The following ADGB variants were observed in gnomAD, a reference collection of about 807,000 sequenced individuals.
The protein encoded by ADGB is androglobin, also known as calpain-7-like protein.
In ADGB, 172 loss-of-function variants were observed where a neutral mutation model predicts 210.5. The ratio of observed to expected loss-of-function variants is 0.82; its 90% CI spans 0.72 to 0.93. The LOEUF (loss-of-function observed/expected upper bound fraction) is 0.93, where lower values mean the gene tolerates loss of function less well. Ranked by LOEUF, ADGB falls within the 40% of genes least tolerant of loss-of-function variation. The pLI, the probability that ADGB is intolerant of heterozygous loss-of-function variation, is 0.00. For missense variants in ADGB, 2,025 were observed against 1,964.8 expected, an observed-to-expected ratio of 1.03 and a Z score of -0.58; for synonymous variants, 658 against 662.7, an observed-to-expected ratio of 0.99 and a Z score of 0.11.
Position 146,737,260 on chromosome 6 carries a change from G to A in ADGB, c.2888+669G>A, listed in dbSNP as rs368845480. On this transcript the variant is annotated intron_variant, in intron 23 of 35. Transcript: ENST00000397944. ...TTAATAAAACACAGACAAATGGAAA[G>A]TACGTCAATGAACATTTTAATAACC... is the stretch of plus-strand genomic sequence containing the variant. Among the ~76,000 whole-genome samples the A allele has an allele frequency of 4.6e-5, 7 of 152,232 alleles. No individual in the cohort carries two copies. The East Asian group carries it at 1.4e-3, about 29-fold the overall frequency.
chr6:146,807,802 A>C (rs1778234884), intron 35 of ADGB: 1 of 358,422 alleles, frequency 2.8e-6, no homozygotes, highest in Non-Finnish European at 4.9e-6. Context: ...TAGCTTCCAA[A>C]TATTTAAAAT....
At chr6:146,676,585 T>C in intron 9 of ADGB, 144 bp downstream of exon 9, 2 of 747,672 alleles carry the variant, frequency 2.7e-6, no homozygotes, top group Non-Finnish European at 3.8e-6. Context: ...GGTTCTCAGA[T>C]GGGTGGGCGT....
intron 35 of ADGB, chr6:146,803,480 G>A: frequency 6.2e-7 from 1 of 1,603,450 alleles, no homozygotes; most frequent in South Asian, 1.1e-5. Context: ...GGAAAGGGAT[G>A]ATGAACTTTC....
intron 22 of ADGB, 88 bp downstream of exon 22, chr6:146,734,118 C>A (rs1018619687): frequency 2.4e-6 from 3 of 1,241,314 alleles, no homozygotes; most frequent in Non-Finnish European, 3.3e-6. Flanking sequence ...TGGAGTCCCC[C>A]ACTTTATGGC....
chr6:146,755,922 A>T (rs138772301), intron 27 of ADGB, among the ~76,000 whole-genome samples: 4 of 152,188 alleles, frequency 2.6e-5, no homozygotes, highest in African/African-American at 9.6e-5. Flanking sequence ...AAATCTTTAT[A>T]TCCCTTTTCT....
chr6:146,764,116 T>C lies in ADGB; in HGVS notation c.3750+16T>C. 6.6e-7 allele frequency: 1 copy of C among 1,516,428 alleles called. No individual in the cohort carries two copies. The highest frequency in any genetic ancestry group is 8.9e-7 in the Non-Finnish European group (1 of 1,128,294). The allele number at this position is 1,516,428 out of a possible 1,614,324, so 93.9% of individuals were successfully genotyped here. On this transcript the variant is annotated intron_variant, in intron 28 of 35. Transcript: ENST00000397944. ...ACCACTGCAGGTATATTAAAAACAATTGTTCAATTGGACTGTTCCTAAAAC... is the reference window on the plus strand; with the variant it reads ...ACCACTGCAGGTATATTAAAAACAACTGTTCAATTGGACTGTTCCTAAAAC...
intron 20 of ADGB, among the ~76,000 whole-genome samples, 156 bp downstream of exon 20, chr6:146,728,897 G>C (rs1233645759): frequency 6.6e-6 from 1 of 152,176 alleles, no homozygotes; most frequent in Non-Finnish European, 1.5e-5. Flanking sequence ...AAATGAGGGA[G>C]TAAAAAGAAT....
At chr6:146,809,303 T>G (rs1778264786) in intron 35 of ADGB, among the ~76,000 whole-genome samples, 1 of 152,074 alleles carries the variant, frequency 6.6e-6, no homozygotes, top group African/African-American at 2.4e-5. Context: ...GCCTCCTGAG[T>G]TCAAGTGATT....
At chr6:146,782,523 G>C (rs771509072) in intron 30 of ADGB, among the ~76,000 whole-genome samples, 2 of 152,166 alleles carry the variant, frequency 1.3e-5, no homozygotes, top group Non-Finnish European at 2.9e-5. Flanking sequence ...TTATAATGTT[G>C]AATGCTATAT....
At chr6:146,602,162 A>G (rs1414822992) in intron 1 of ADGB, among the ~76,000 whole-genome samples, 2 of 152,174 alleles carry the variant, frequency 1.3e-5, no homozygotes, top group East Asian at 3.9e-4. Context: ...TCACTATTCT[A>G]GGGTTCACTC....
intron 5 of ADGB, among the ~76,000 whole-genome samples, chr6:146,662,187 G>A (rs1248167969): frequency 6.6e-6 from 1 of 152,058 alleles, no homozygotes; most frequent in Non-Finnish European, 1.5e-5. Flanking sequence ...CAATTTGGGA[G>A]AGTTTTCAGC....
intron 33 of ADGB, among the ~76,000 whole-genome samples, chr6:146,790,308 A>ATACCCTTTGACCAACATT (rs1777936098): frequency 1.3e-5 from 2 of 152,166 alleles, no homozygotes; most frequent in East Asian, 3.9e-4. Flanking sequence ...GAAACTAACT[A>ATACCCTTTGACCAACATT]TACCCTTTGA....
intron 35 of ADGB, among the ~76,000 whole-genome samples, 160 bp downstream of exon 35, chr6:146,802,171 A>G (rs1052008370): frequency 3.3e-5 from 5 of 152,206 alleles, no homozygotes; most frequent in Non-Finnish European, 5.9e-5. Flanking sequence ...ATTTGATTCT[A>G]CACATCTCAT....
chr6:146,726,021 C>A, intron 18 of ADGB, 62 bp from the exon 19 acceptor site: 1 of 1,063,316 alleles, frequency 9.4e-7, no homozygotes, highest in Non-Finnish European at 1.4e-6. Context: ...ATAAGCAACT[C>A]ACAGGTCAAA....
chr6:146,784,682 C>T lies in ADGB; in HGVS notation c.4100C>T (p.Thr1367Ile). 1.9e-6 allele frequency: 3 copies of T among 1,551,328 alleles called. No homozygotes were observed. The South Asian group carries it at 3.6e-5, about 18-fold the overall frequency. Residue 1367 changes from threonine (T) to isoleucine (I), a missense_variant, in exon 31 of 36, where the codon ACT (threonine) becomes ATT (isoleucine). Transcript: ENST00000397944. Reference protein sequence around the residue: ...NKPYWILRLVTEHNESELFEV... With the variant: ...NKPYWILRLVIEHNESELFEV... ...CCCTACTGGATTTTGAGGTTGGTCA[C>T]TGAACACAATGAATCAGAATTATTT...
intron 14 of ADGB, among the ~76,000 whole-genome samples, chr6:146,716,130 G>C (rs1460367493): frequency 6.6e-6 from 1 of 151,870 alleles, no homozygotes; most frequent in African/African-American, 2.4e-5. Context: ...ACTGACTGTG[G>C]GGAGTGATTA....
chr6:146,811,661 G>C (rs1386869012), intron 35 of ADGB, among the ~76,000 whole-genome samples: 3 of 151,776 alleles, frequency 2.0e-5, no homozygotes, highest in Non-Finnish European at 2.9e-5. Flanking sequence ...TACTTTTCTT[G>C]CTGTGTTTTT....
intron 1 of ADGB, among the ~76,000 whole-genome samples, chr6:146,614,672 C>T (rs143995766): frequency 2.6e-5 from 4 of 152,214 alleles, no homozygotes; most frequent in Admixed American, 2.0e-4. Flanking sequence ...GGATATCCAT[C>T]TGAATTAGGC....
chr6:146,753,810 T>C (rs922760733), intron 27 of ADGB, among the ~76,000 whole-genome samples: 1 of 151,914 alleles, frequency 6.6e-6, no homozygotes, highest in Non-Finnish European at 1.5e-5. Context: ...TTTTACTCAG[T>C]TTGTTGGATC....
Sources: allele counts gnomAD v4.1 joint callset (sites outside exome capture counted in the v4.1 genomes callset), GRCh38; gene constraint gnomAD v4.1.1; transcripts MANE v1.5; gene names NCBI Gene and HGNC (gene_info 2026-07-23, HGNC 2026-07-21).